Variants in MBOAT2 observed in about 807,000 individuals in gnomAD.
The protein encoded by MBOAT2 is membrane-bound glycerophospholipid O-acyltransferase 2.
MBOAT2 carries 28 observed loss-of-function variants against 63.4 expected under a neutral mutation model. That is an observed-to-expected ratio of 0.44 (90% CI 0.33 to 0.61). MBOAT2 has a LOEUF of 0.61. Among genes scored for constraint, MBOAT2 ranks in the 20% least tolerant of loss-of-function variants. MBOAT2 has a pLI of 0.03. For missense variants in MBOAT2, 470 were observed against 605.8 expected, an observed-to-expected ratio of 0.78 and a Z score of 2.35; for synonymous variants, 211 against 215.6, an observed-to-expected ratio of 0.98 and a Z score of 0.19.
intron 3 of MBOAT2, among the ~76,000 whole-genome samples, chr2:8,917,394 T>C (rs1666261919): frequency 6.6e-6 from 1 of 151,988 alleles, no homozygotes; most frequent in Non-Finnish European, 1.5e-5. Flanking sequence ...AAATAATGAA[T>C]TATAAAAAAA....
At chr2:8,995,004 A>G (rs374335971) in intron 1 of MBOAT2, among the ~76,000 whole-genome samples, 120 of 152,338 alleles carry the variant, frequency 7.9e-4, no homozygotes, top group African/African-American at 2.8e-3. Context: ...GCTCTAAGCA[A>G]TTTACTCGGC....
chr2:8,883,197 A>G (rs938877841), intron 5 of MBOAT2, among the ~76,000 whole-genome samples: 1 of 152,200 alleles, frequency 6.6e-6, no homozygotes. Flanking sequence ...TAATAAACTA[A>G]TATTAGTAAA....
rs566741006 is a variant in MBOAT2 at position 8,937,354 on chromosome 2, C to A, written c.299+5833G>T. Among the ~76,000 whole-genome samples the A allele has an allele frequency of 2.1e-4, 32 of 152,342 alleles. No individual in the cohort carries two copies. In the South Asian group the frequency reaches 5.6e-3, roughly 27 times the overall value. ...TCATCTATTCACCAGTGAACACTCACTGAGAGCATACAATCTCTTAGGTAC... is the reference window on the plus strand; with the variant it reads ...TCATCTATTCACCAGTGAACACTCAATGAGAGCATACAATCTCTTAGGTAC... On this transcript the variant is annotated intron_variant, in intron 3 of 12. Transcript: ENST00000305997.
At chr2:8,893,330 T>C (rs924111029) in intron 4 of MBOAT2, among the ~76,000 whole-genome samples, 4 of 152,186 alleles carry the variant, frequency 2.6e-5, no homozygotes, top group African/African-American at 9.7e-5. Flanking sequence ...TCAGGCACGC[T>C]TGGCACAAGA....
chr2:8,887,462 G>A (rs899150037), intron 5 of MBOAT2, among the ~76,000 whole-genome samples: 2 of 152,128 alleles, frequency 1.3e-5, no homozygotes, highest in Admixed American at 6.5e-5. Flanking sequence ...CAAAAGCTCC[G>A]CAGGCTACAT....
intron 4 of MBOAT2, among the ~76,000 whole-genome samples, chr2:8,896,171 G>A (rs1330159405): frequency 6.6e-6 from 1 of 151,430 alleles, no homozygotes; most frequent in African/African-American, 2.4e-5. Flanking sequence ...CCCGGGAGGT[G>A]GAGCTTGCAG....
chr2:8,927,521 G>A (rs1033832325), intron 3 of MBOAT2, among the ~76,000 whole-genome samples: 16 of 152,304 alleles, frequency 1.1e-4, no homozygotes, highest in Non-Finnish European at 2.2e-4. Context: ...TAGCTCCGTC[G>A]AGTTGCGTTT....
intron 3 of MBOAT2, among the ~76,000 whole-genome samples, chr2:8,915,600 T>C (rs981516680): frequency 6.6e-5 from 10 of 152,214 alleles, no homozygotes; most frequent in Admixed American, 4.6e-4. Flanking sequence ...TGTTGCTATC[T>C]TGTCTTTTAA....
chr2:8,861,247 G>C (rs1238863201), intron 11 of MBOAT2: 1 of 152,326 alleles, frequency 6.6e-6, no homozygotes, highest in African/African-American at 2.4e-5. Context: ...TTGCTAATAT[G>C]CAAGTGCATG....
At chr2:8,948,258 A>G (rs753495854) in intron 2 of MBOAT2, among the ~76,000 whole-genome samples, 4 of 152,246 alleles carry the variant, frequency 2.6e-5, no homozygotes, top group Non-Finnish European at 5.9e-5. Context: ...CTTATGGATG[A>G]GCAAAGAAAG....
intron 5 of MBOAT2, among the ~76,000 whole-genome samples, chr2:8,883,986 G>A (rs984815472): frequency 6.6e-6 from 1 of 151,534 alleles, no homozygotes; most frequent in African/African-American, 2.4e-5. Flanking sequence ...ACTTTGGGAG[G>A]CCAAGGCGGG....
chr2:8,914,096 C>T (rs115205997), intron 3 of MBOAT2, among the ~76,000 whole-genome samples: 1,753 of 152,254 alleles, frequency 0.012, 23 homozygotes, highest in South Asian at 0.021. Flanking sequence ...ATCATATGTT[C>T]TGATATGTGG....
intron 1 of MBOAT2, among the ~76,000 whole-genome samples, chr2:8,984,639 A>C (rs944228006): frequency 3.9e-5 from 6 of 152,158 alleles, no homozygotes; most frequent in Admixed American, 2.6e-4. Flanking sequence ...TAGTACAGAA[A>C]GCTCTAAAAA....
intron 1 of MBOAT2, among the ~76,000 whole-genome samples, chr2:8,980,841 C>A (rs887873574): frequency 6.6e-6 from 1 of 152,058 alleles, no homozygotes; most frequent in Non-Finnish European, 1.5e-5. Context: ...TCCAGCAATT[C>A]CACTCCTAGG....
intron 3 of MBOAT2, among the ~76,000 whole-genome samples, chr2:8,939,027 C>T (rs1056835450): frequency 2.0e-5 from 3 of 152,198 alleles, no homozygotes; most frequent in African/African-American, 7.2e-5. Context: ...CCATACTGAA[C>T]TCCTTGGAGG....
intron 11 of MBOAT2, among the ~76,000 whole-genome samples, chr2:8,861,517 G>C (rs932344834): frequency 1.1e-4 from 17 of 152,232 alleles, no homozygotes; most frequent in Non-Finnish European, 1.8e-4. Flanking sequence ...ATGGAATCAA[G>C]AGCAGGTGAC....
intron 1 of MBOAT2, among the ~76,000 whole-genome samples, chr2:8,966,846 A>G (rs554725590): frequency 2.0e-5 from 3 of 152,336 alleles, no homozygotes; most frequent in East Asian, 3.9e-4. Flanking sequence ...AGAGCACTCC[A>G]ATACCCATGT....
chr2:8,972,356 C>T (rs905927385), intron 1 of MBOAT2, among the ~76,000 whole-genome samples: 16 of 152,132 alleles, frequency 1.1e-4, no homozygotes, highest in African/African-American at 3.6e-4. Flanking sequence ...ACACCTTATA[C>T]AAAAATTAAT....
chr2:8,923,394 A>C (rs1666720459), intron 3 of MBOAT2, among the ~76,000 whole-genome samples: 1 of 152,032 alleles, frequency 6.6e-6, no homozygotes, highest in South Asian at 2.1e-4. Flanking sequence ...ACCACCTGAG[A>C]CCTCCTCCCA....
Sources: allele counts gnomAD v4.1 joint callset (sites outside exome capture counted in the v4.1 genomes callset), GRCh38; gene constraint gnomAD v4.1.1; transcripts MANE v1.5; gene names NCBI Gene and HGNC (gene_info 2026-07-23, HGNC 2026-07-21).